The following RBFOX1 variants were observed in gnomAD, a reference collection of about 807,000 sequenced individuals.
RBFOX1 encodes RNA binding fox-1 homolog 1, also known as RNA binding protein fox-1 homolog 1.
RBFOX1 carries 8 observed loss-of-function variants against 57.7 expected under a neutral mutation model. The observed-to-expected ratio is 0.14, with a 90% CI of 0.08 to 0.25. The LOEUF is 0.25. Among genes scored for constraint, RBFOX1 ranks in the 10% least tolerant of loss-of-function variants. RBFOX1 has a pLI of 1.00. For synonymous variants in RBFOX1, 326 were observed against 222.4 expected (o/e 1.47, Z -4.15); for missense variants, 611 against 548.5 (o/e 1.11, Z -1.14).
chr16:6,294,524 C>T, intron 1 of RBFOX1, among the ~76,000 whole-genome samples: 1 of 152,336 alleles, frequency 6.6e-6, no homozygotes, highest in Admixed American at 6.5e-5. Context: ...CTCAGAGTTT[C>T]TGTGAAACAG....
At chr16:5,689,026 C>G (rs964072455) in intron 3 of RBFOX1, among the ~76,000 whole-genome samples, 1 of 152,154 alleles carries the variant, frequency 6.6e-6, no homozygotes, top group Non-Finnish European at 1.5e-5. Flanking sequence ...AAAATCAAGG[C>G]AGGATTTTAT....
intron 2 of RBFOX1, among the ~76,000 whole-genome samples, chr16:6,520,942 G>A (rs1292622364): frequency 2.0e-5 from 3 of 151,440 alleles, no homozygotes; most frequent in Non-Finnish European, 1.5e-5. Context: ...AAGAGTGTAG[G>A]GGGGGAAAAA....
chr16:6,320,165 A>C (rs2081597355), intron 2 of RBFOX1, among the ~76,000 whole-genome samples: 1 of 152,216 alleles, frequency 6.6e-6, no homozygotes, highest in South Asian at 2.1e-4. Context: ...ATGGTGTATT[A>C]GCTGTTAGTT....
intron 4 of RBFOX1, among the ~76,000 whole-genome samples, chr16:7,393,855 G>C (rs974303042): frequency 6.6e-6 from 1 of 152,124 alleles, no homozygotes; most frequent in African/African-American, 2.4e-5. Context: ...GAAGAATTCA[G>C]GTTGTCAGCA....
intron 3 of RBFOX1, among the ~76,000 whole-genome samples, chr16:5,659,006 A>G (rs1320091661): frequency 2.0e-5 from 3 of 151,880 alleles, no homozygotes; most frequent in Non-Finnish European, 4.4e-5. Context: ...TTTTTTGCAT[A>G]ACCTTGGTAG....
At chr16:6,402,206 G>T (rs1203206616) in intron 2 of RBFOX1, among the ~76,000 whole-genome samples, 1 of 151,950 alleles carries the variant, frequency 6.6e-6, no homozygotes, top group African/African-American at 2.4e-5. Context: ...AGTGTACCAA[G>T]AGCTAAACTA....
intron 4 of RBFOX1, among the ~76,000 whole-genome samples, chr16:7,303,877 C>A (rs1265826954): frequency 6.6e-6 from 1 of 151,660 alleles, no homozygotes; most frequent in Non-Finnish European, 1.5e-5. Flanking sequence ...TATCCTTGCC[C>A]CCCTCCCATT....
intron 5 of RBFOX1, among the ~76,000 whole-genome samples, chr16:7,527,115 TTG>T (rs1747552370): frequency 1.3e-5 from 2 of 152,312 alleles, no homozygotes; most frequent in Middle Eastern, 3.4e-3. Flanking sequence ...GGCTTCAAAA[TTG>T]TCTTTTCGGA....
chr16:6,798,734 A>G (rs1263702269), intron 3 of RBFOX1, among the ~76,000 whole-genome samples: 1 of 152,190 alleles, frequency 6.6e-6, no homozygotes, highest in East Asian at 1.9e-4. Context: ...AAGATAATGA[A>G]AATAACCCAT....
intron 3 of RBFOX1, among the ~76,000 whole-genome samples, chr16:6,959,677 C>G (rs1247057764): frequency 6.6e-6 from 1 of 152,096 alleles, no homozygotes; most frequent in Non-Finnish European, 1.5e-5. Context: ...TGGCTCACAT[C>G]TGTAATCTCT....
intron 4 of RBFOX1, among the ~76,000 whole-genome samples, chr16:7,238,870 C>T (rs1049057053): frequency 2.0e-5 from 3 of 152,184 alleles, no homozygotes; most frequent in African/African-American, 7.2e-5. Context: ...TTAGCTCCCA[C>T]TTATACGTGA....
At chr16:7,252,628 T>C (rs1216673814) in intron 4 of RBFOX1, among the ~76,000 whole-genome samples, 1 of 152,240 alleles carries the variant, frequency 6.6e-6, no homozygotes, top group Non-Finnish European at 1.5e-5. Context: ...CCTGAGTGTT[T>C]CAGTTAACCT....
At chr16:5,808,085 C>G (rs2055292217) in intron 3 of RBFOX1, among the ~76,000 whole-genome samples, 1 of 152,200 alleles carries the variant, frequency 6.6e-6, no homozygotes, top group African/African-American at 2.4e-5. Context: ...ATTTCAAACG[C>G]TGAAGTCCTA....
chr16:6,539,866 A>G (rs535217965), intron 2 of RBFOX1, among the ~76,000 whole-genome samples: 1 of 126,974 alleles, frequency 7.9e-6, no homozygotes, highest in African/African-American at 2.6e-5. Context: ...TTGTCTTCCT[A>G]CAAGCTGTCT....
chr16:6,364,132 C>T (rs2089141029), intron 2 of RBFOX1, among the ~76,000 whole-genome samples: 1 of 152,158 alleles, frequency 6.6e-6, no homozygotes, highest in South Asian at 2.1e-4. Flanking sequence ...ACGTCTGTTC[C>T]CTGCTGTACT....
intron 1 of RBFOX1, among the ~76,000 whole-genome samples, chr16:5,417,009 TAG>T (rs1596963790): frequency 1.3e-5 from 2 of 152,208 alleles, no homozygotes; most frequent in East Asian, 3.9e-4. Context: ...TGAAAAAGTG[TAG>T]AGAGAGCAAG....
At chr16:6,718,833 T>G (rs2065354797) in intron 3 of RBFOX1, among the ~76,000 whole-genome samples, 1 of 152,112 alleles carries the variant, frequency 6.6e-6, no homozygotes, top group Non-Finnish European at 1.5e-5. Flanking sequence ...TGTGCATGTT[T>G]CTTTCTTTTT....
intron 3 of RBFOX1, among the ~76,000 whole-genome samples, chr16:5,784,191 G>A (rs990896006): frequency 5.9e-5 from 9 of 152,104 alleles, no homozygotes; most frequent in Non-Finnish European, 1.0e-4. Flanking sequence ...GGAGGCTAAG[G>A]CAGGTGGATC....
intron 1 of RBFOX1, among the ~76,000 whole-genome samples, chr16:6,116,038 A>G (rs934407233): frequency 6.6e-6 from 1 of 152,222 alleles, no homozygotes; most frequent in African/African-American, 2.4e-5. Flanking sequence ...CATCAGTGAT[A>G]GACTTGATAA....
Sources: allele counts gnomAD v4.1 joint callset (sites outside exome capture counted in the v4.1 genomes callset), GRCh38; gene constraint gnomAD v4.1.1; transcripts MANE v1.5; gene names NCBI Gene and HGNC (gene_info 2026-07-23, HGNC 2026-07-21).